The following MTREX variants were observed in gnomAD, a reference collection of about 807,000 sequenced individuals.
MTREX encodes exosome RNA helicase MTR4.
MTREX carries 76 observed loss-of-function variants against 135.4 expected under a neutral mutation model. The ratio of observed to expected loss-of-function variants is 0.56; its 90% CI spans 0.47 to 0.68. MTREX has a LOEUF of 0.68. MTREX is among the 30% of genes least tolerant of loss of function. The probability of loss-of-function intolerance (pLI) is 0.00; values close to 1 mark genes in which losing one functional copy is unlikely to be tolerated. For missense variants in MTREX, 920 were observed against 1,262.1 expected, an observed-to-expected ratio of 0.73 and a Z score of 4.11; for synonymous variants, 404 against 401.6, an observed-to-expected ratio of 1.01 and a Z score of -0.07.
chr5:55,318,231 A>G (rs544485739), intron 1 of MTREX, among the ~76,000 whole-genome samples: 1 of 152,316 alleles, frequency 6.6e-6, no homozygotes, highest in South Asian at 2.1e-4. Context: ...AAGAGCTAAA[A>G]ACAGATATAC....
At chr5:55,331,141 C>G (rs1476974911) in intron 5 of MTREX, among the ~76,000 whole-genome samples, 1 of 151,926 alleles carries the variant, frequency 6.6e-6, no homozygotes, top group East Asian at 1.9e-4. Flanking sequence ...TCCCTGTTTA[C>G]TAATTCTGTC....
chr5:55,418,337 T>A (rs1254363881), intron 25 of MTREX, among the ~76,000 whole-genome samples: 2 of 151,036 alleles, frequency 1.3e-5, no homozygotes, highest in African/African-American at 4.9e-5. Flanking sequence ...TATAAAATTG[T>A]CTTTATGGAT....
At chr5:55,358,487 A>G in intron 14 of MTREX, 86 bp from the exon 15 acceptor site, 1 of 1,156,916 alleles carries the variant, frequency 8.6e-7, no homozygotes, top group Non-Finnish European at 1.2e-6. Context: ...ATAACTTGTT[A>G]TAAATTTTAT....
intron 3 of MTREX, chr5:55,324,779 T>C (rs1749346468): frequency 6.6e-6 from 1 of 152,150 alleles, no homozygotes; most frequent in South Asian, 2.1e-4. Flanking sequence ...TCTTTGTTTA[T>C]TTAAAAACAT....
At chr5:55,309,209 T>C (rs1411341422) in intron 1 of MTREX, among the ~76,000 whole-genome samples, 1 of 152,164 alleles carries the variant, frequency 6.6e-6, no homozygotes, top group Non-Finnish European at 1.5e-5. Context: ...ATTTAGGGAC[T>C]ACAAGAGATA....
chr5:55,352,891 G>A (rs189500263), intron 13 of MTREX, among the ~76,000 whole-genome samples: 2 of 152,210 alleles, frequency 1.3e-5, no homozygotes, highest in Admixed American at 6.5e-5. Context: ...AACTTTGTTC[G>A]TAAGACCAGT....
At chr5:55,412,923 T>A (rs985498986) in intron 23 of MTREX, among the ~76,000 whole-genome samples, 2 of 152,178 alleles carry the variant, frequency 1.3e-5, no homozygotes, top group African/African-American at 4.8e-5. Context: ...AGCAATAATA[T>A]GGAATCTGGT....
intron 1 of MTREX, among the ~76,000 whole-genome samples, chr5:55,313,447 A>G (rs1749148640): frequency 6.6e-6 from 1 of 152,158 alleles, no homozygotes; most frequent in African/African-American, 2.4e-5. Flanking sequence ...CTCAAAAAAA[A>G]GAAAAGAAAA....
intron 1 of MTREX, among the ~76,000 whole-genome samples, chr5:55,318,021 C>T (rs1749226209): frequency 6.6e-6 from 1 of 152,174 alleles, no homozygotes; most frequent in Non-Finnish European, 1.5e-5. Context: ...ATAAAAAAAG[C>T]TCAGTATCAC....
At chr5:55,390,650 T>G (rs1750552797) in intron 19 of MTREX, among the ~76,000 whole-genome samples, 1 of 152,140 alleles carries the variant, frequency 6.6e-6, no homozygotes, top group Non-Finnish European at 1.5e-5. Context: ...GTCATGATAG[T>G]TAAATGAGAC....
At chr5:55,421,741 A>G (rs1215856327) in intron 25 of MTREX, among the ~76,000 whole-genome samples, 1 of 152,214 alleles carries the variant, frequency 6.6e-6, no homozygotes, top group African/African-American at 2.4e-5. Flanking sequence ...AGGACTTTGT[A>G]AAGGATTTCA....
intron 1 of MTREX, among the ~76,000 whole-genome samples, chr5:55,313,123 A>G (rs189771932): frequency 4.2e-4 from 64 of 152,072 alleles, no homozygotes; most frequent in South Asian, 2.3e-3. Context: ...TAAATGTATC[A>G]TTTCTCGGTT....
chr5:55,414,193 G>T lies in MTREX; in HGVS notation c.2763G>T (p.Met921Ile), dbSNP rs868274947. 2 of 1,568,798 alleles carry T rather than the reference G, an allele frequency of 1.3e-6. No individual in the cohort carries two copies. The highest frequency in any genetic ancestry group is 4.6e-5 in the East Asian group (2 of 43,916). The change falls in exon 24 of 27, where the codon ATG becomes ATT. Residue 921 changes from methionine (M) to isoleucine (I), a missense_variant. Met to Ile is a conservative substitution (Grantham distance 10). This residue lies in a region of MTREX where 467 missense variants were observed against 589.7 expected (regional missense o/e 0.79). Transcript: ENST00000230640. The part of the protein sequence containing the change: ...CFVFQENSSE[M>I]PKLTEQLAGP... Reference sequence around the variant, plus strand: ...CTTTTCTTTTATAGTCTAGTGAGATGCCCAAATTAACAGAACAATTAGCAG... The same window carrying T: ...CTTTTCTTTTATAGTCTAGTGAGATTCCCAAATTAACAGAACAATTAGCAG...
intron 21 of MTREX, among the ~76,000 whole-genome samples, chr5:55,403,750 T>A (rs914326279): frequency 6.6e-5 from 10 of 152,242 alleles, no homozygotes; most frequent in Non-Finnish European, 1.0e-4. Context: ...CATTGCTTCC[T>A]ATGACATGGC....
At chr5:55,329,332 A>AT (rs1002116010) in intron 5 of MTREX, 11 of 147,512 alleles carry the variant, frequency 7.5e-5, no homozygotes, top group East Asian at 3.9e-4. Context: ...CACCTGGCTA[A>AT]TTTTTTTTTT....
chr5:55,350,351 G>A (rs1209882785), intron 12 of MTREX, among the ~76,000 whole-genome samples: 4 of 152,154 alleles, frequency 2.6e-5, no homozygotes, highest in East Asian at 1.9e-4. Context: ...TTTGAAAAGG[G>A]TATTTAATGT....
intron 16 of MTREX, among the ~76,000 whole-genome samples, chr5:55,372,891 A>AAT (rs1281717189): frequency 6.6e-4 from 60 of 90,594 alleles, no homozygotes; most frequent in Non-Finnish European, 2.0e-4. Context: ...TTAAAACTGT[A>AAT]ATGTGTGTGT....
chr5:55,334,940 G>A (rs1353291694), intron 5 of MTREX, among the ~76,000 whole-genome samples: 1 of 151,938 alleles, frequency 6.6e-6, no homozygotes, highest in Non-Finnish European at 1.5e-5. Flanking sequence ...TTTTAATGTG[G>A]CTGTACCATT....
chr5:55,403,279 G>T (rs1008646824), intron 21 of MTREX, among the ~76,000 whole-genome samples: 5 of 152,022 alleles, frequency 3.3e-5, no homozygotes, highest in African/African-American at 1.2e-4. Flanking sequence ...TTGATCCACA[G>T]TTGGTTCAAT....
Sources: allele counts gnomAD v4.1 joint callset (sites outside exome capture counted in the v4.1 genomes callset), GRCh38; gene constraint gnomAD v4.1.1; regional missense constraint gnomAD v4.1.1; transcripts MANE v1.5; gene names NCBI Gene and HGNC (gene_info 2026-07-23, HGNC 2026-07-21).